The following GPRIN2 variants were observed in gnomAD, a reference collection of about 807,000 sequenced individuals.
GPRIN2 encodes G protein-regulated inducer of neurite outgrowth 2.
A neutral mutation model predicts 0.3 loss-of-function variants in GPRIN2; 1 was observed. The ratio of observed to expected loss-of-function variants is 3.90; its 90% CI spans 1.39 to 18.51. The LOEUF (loss-of-function observed/expected upper bound fraction) is 18.51, where lower values mean the gene tolerates loss of function less well. Among genes scored for constraint, GPRIN2 ranks in the 30% most tolerant of loss-of-function variants. GPRIN2 has a pLI of 0.11. For synonymous variants in GPRIN2, 361 were observed against 258.6 expected (o/e 1.40, Z -3.80); for missense variants, 880 against 604.2 (o/e 1.46, Z -4.79).
rs533224635 is a variant in GPRIN2 at position 46,544,360 on chromosome 10, G to T, written c.*5000C>A. Among the ~76,000 whole-genome samples, 1 of 152,310 alleles carries T rather than the reference G, an allele frequency of 6.6e-6. No homozygotes were observed. The highest frequency in any genetic ancestry group is 1.5e-5 in the Non-Finnish European group (1 of 68,056). On this transcript the variant is annotated 3_prime_UTR_variant, in exon 3 of 3. Coordinates refer to ENST00000374314, the MANE Select transcript of GPRIN2 (RefSeq NM_001385282.1). ...TTTTTTTGAAACAGGGTCTGGCTCC[G>T]TCATCCAGGCTGGAGCACAGTGGCA...
rs1368237154 is a variant in GPRIN2 at position 46,547,589 on chromosome 10, G to T, written c.*1771C>A. On this transcript the variant is annotated 3_prime_UTR_variant, in exon 3 of 3. Transcript: ENST00000374314. The stretch of plus-strand genomic sequence containing the variant: ...ACCTGTCTAACCCCTGCATCCTCAA[G>T]ACCCTACTTAGCTATGGCCCTGTGT... Among the ~76,000 whole-genome samples the T allele has an allele frequency of 3.3e-5, 5 of 152,422 alleles. No individual in the cohort carries two copies. The highest frequency in any genetic ancestry group is 5.9e-5 in the Non-Finnish European group (4 of 68,048).
rs899807069 is a variant in GPRIN2, at chr10:46,556,593, A to T, written c.-213T>A. On this transcript the variant is annotated 5_prime_UTR_variant, in exon 1 of 3. Transcript: ENST00000374314. ...GCGGCCCAAGATGGAGCCAGAGCCG[A>T]CCTGGCCTGGGCGCGAGACGCCGCC... Among the ~76,000 whole-genome samples, 28 of 152,136 alleles carry T rather than the reference A, an allele frequency of 1.8e-4. No homozygotes were observed. Among genetic ancestry groups the T allele is most frequent in the Admixed American group, 1.6e-3 (25 of 15,264 alleles).
In GPRIN2 at chr10:46,542,648, A is replaced by G. The variant is rs1833058618; in HGVS notation, c.*6712T>C. Among the ~76,000 whole-genome samples the G allele has an allele frequency of 6.6e-6, 1 of 152,422 alleles. No homozygotes were observed. Among genetic ancestry groups the G allele is most frequent in the Non-Finnish European group, 1.5e-5 (1 of 68,046 alleles). ...AACCTCTTTCCTTTATAAATTACCC[A>G]GTCTCAGGCAGTTCTTTATAGCAGC... is the stretch of plus-strand genomic sequence containing the variant. On this transcript the variant is annotated 3_prime_UTR_variant, in exon 3 of 3. Transcript: ENST00000374314.
In GPRIN2 at chr10:46,549,345, A is replaced by C. The variant is rs1832748392; in HGVS notation, c.*15T>G. 5.6e-5 allele frequency: 82 copies of C among 1,463,472 alleles called. No homozygotes were observed. The highest frequency in any genetic ancestry group is 4.2e-4 in the Admixed American group (15 of 35,556). The allele number at this position is 1,463,472 out of a possible 1,614,324, so 90.7% of individuals were successfully genotyped here. On this transcript the variant is annotated 3_prime_UTR_variant, in exon 3 of 3. Coordinates refer to ENST00000374314, the MANE Select transcript of GPRIN2 (RefSeq NM_001385282.1). Reference sequence around the variant, plus strand: ...AAGTCAGTGGGCCCAGGCCAGCTCCAAGGGCCACAGCTCCTCACTCGGGGG... The same window carrying C: ...AAGTCAGTGGGCCCAGGCCAGCTCCCAGGGCCACAGCTCCTCACTCGGGGG...
rs1832805602 is a variant in GPRIN2, at chr10:46,548,376, C to T, written c.*984G>A. Among the ~76,000 whole-genome samples the T allele has an allele frequency of 2.0e-5, 3 of 152,420 alleles. No individual in the cohort carries two copies. Among genetic ancestry groups the T allele is most frequent in the South Asian group, 4.1e-4 (2 of 4,834 alleles). Reference sequence around the variant, plus strand: ...CAGGGCAAACTCCTGCCCTGTCCCCCTCCATTCCTGCCCTCCCTCCTTCCA... The same window carrying T: ...CAGGGCAAACTCCTGCCCTGTCCCCTTCCATTCCTGCCCTCCCTCCTTCCA... On this transcript the variant is annotated 3_prime_UTR_variant, in exon 3 of 3. Coordinates refer to ENST00000374314, the MANE Select transcript of GPRIN2 (RefSeq NM_001385282.1).
At position 46,546,704 on chromosome 10, in the gene GPRIN2, G is replaced by A. The variant is rs1832886820; in HGVS notation, c.*2656C>T. On this transcript the variant is annotated 3_prime_UTR_variant, in exon 3 of 3. Coordinates refer to ENST00000374314, the MANE Select transcript of GPRIN2 (RefSeq NM_001385282.1). ...TTCCAGGAGAGGGCACAGCAAAGGGGGTTGGGAGGGGTCTCCAGTTCCAAT... is the reference window on the plus strand; with the variant it reads ...TTCCAGGAGAGGGCACAGCAAAGGGAGTTGGGAGGGGTCTCCAGTTCCAAT... Among the ~76,000 whole-genome samples the A allele has an allele frequency of 6.6e-6, 1 of 152,308 alleles. No individual in the cohort carries two copies. The highest frequency in any genetic ancestry group is 2.4e-5 in the African/African-American group (1 of 41,486).
chr10:46,549,227 G>T lies in GPRIN2; in HGVS notation c.*133C>A. 8.1e-7 allele frequency: 1 copy of T among 1,232,684 alleles called. No homozygotes were observed. The highest frequency in any genetic ancestry group is 1.1e-6 in the Non-Finnish European group (1 of 921,806). The allele number at this position is 1,232,684 out of a possible 1,614,324, so 76.4% of individuals were successfully genotyped here. A position where few individuals can be genotyped will look rare whatever the true frequency, so the allele number is the denominator to read the frequency against. Reference sequence around the variant, plus strand: ...CCCCAGGCTGCAGTCCTGTGGTCTGGAGGCAGCCAATATTCAGGTGAGAGA... The same window carrying T: ...CCCCAGGCTGCAGTCCTGTGGTCTGTAGGCAGCCAATATTCAGGTGAGAGA... On this transcript the variant is annotated 3_prime_UTR_variant, in exon 3 of 3. Coordinates refer to ENST00000374314, the MANE Select transcript of GPRIN2 (RefSeq NM_001385282.1).
rs1290428465 is a variant in GPRIN2 at position 46,542,104 on chromosome 10, G to C, written c.*7256C>G. 6.6e-6 allele frequency among the ~76,000 whole-genome samples: 1 copy of C among 152,308 alleles called. No individual in the cohort carries two copies. The highest frequency in any genetic ancestry group is 1.5e-5 in the Non-Finnish European group (1 of 68,058). ...AGCTTGTGTACAAAATGACACCCTT[G>C]GCCACCATCTCCCAGTCTGTTGACT... On this transcript the variant is annotated 3_prime_UTR_variant, in exon 3 of 3. Coordinates refer to ENST00000374314, the MANE Select transcript of GPRIN2 (RefSeq NM_001385282.1).
chr10:46,552,691 C>A (rs1355437635), intron 2 of GPRIN2, among the ~76,000 whole-genome samples: 1 of 152,308 alleles, frequency 6.6e-6, no homozygotes, highest in Non-Finnish European at 1.5e-5. Context: ...GTACCAAGCA[C>A]TCAGCAGGGG....
Position 46,549,881 on chromosome 10 carries a change from G to T in GPRIN2, c.856C>A (p.Leu286Ile), listed in dbSNP as rs564464375. 6.2e-7 allele frequency: 1 copy of T among 1,614,142 alleles called. No homozygotes were observed. Among genetic ancestry groups the T allele is most frequent in the Admixed American group, 1.7e-5 (1 of 60,016 alleles). ...GCACAGCAATGGGAATGCCCAGGGA[G>T]CCCCCCAGACAACCTACAGTGGATC... ...VKIHCRLSGG[L>I]PGHSHCCAHL... The change falls in exon 3 of 3, where the codon CTC (leucine) becomes ATC (isoleucine). Residue 286 changes from leucine to isoleucine, a missense_variant. Leu to Ile is a conservative substitution (Grantham distance 5). Transcript: ENST00000374314.
intron 2 of GPRIN2, chr10:46,551,524 GC>G: frequency 1.0e-6 from 1 of 984,570 alleles, no homozygotes; most frequent in Non-Finnish European, 1.2e-6. Context: ...CCTACTGCGT[GC>G]CCAGCTGTAG....
intron 2 of GPRIN2, chr10:46,551,361 C>T (rs1380986902): frequency 1.0e-6 from 1 of 981,882 alleles, no homozygotes; most frequent in Non-Finnish European, 1.2e-6. Flanking sequence ...CACCCCCATC[C>T]TCCTTGGCCT....
In GPRIN2 at chr10:46,549,335, G is replaced by C. The variant is rs1832750293; in HGVS notation, c.*25C>G. On this transcript the variant is annotated 3_prime_UTR_variant, in exon 3 of 3. Coordinates refer to ENST00000374314, the MANE Select transcript of GPRIN2 (RefSeq NM_001385282.1). ...GTCTAGGACTAAGTCAGTGGGCCCAGGCCAGCTCCAAGGGCCACAGCTCCT... is the reference window on the plus strand; with the variant it reads ...GTCTAGGACTAAGTCAGTGGGCCCACGCCAGCTCCAAGGGCCACAGCTCCT... 5 of 1,461,506 alleles carry C rather than the reference G, an allele frequency of 3.4e-6. No homozygotes were observed. The Admixed American group carries it at 1.4e-4, about 41-fold the overall frequency. The allele number at this position is 1,461,506 out of a possible 1,614,324, so 90.5% of individuals were successfully genotyped here.
rs1832615286 is a variant in GPRIN2, at chr10:46,549,719, C to A, written c.1018G>T (p.Ala340Ser). 6 of 1,613,960 alleles carry A rather than the reference C, an allele frequency of 3.7e-6. No homozygotes were observed. Among genetic ancestry groups the A allele is most frequent in the Middle Eastern group, 1.6e-4 (1 of 6,082 alleles). ...ACAGCCTTGCAGGCCGCCACTGGGG[C>A]CGCCTGCACACCAGCATCCTGGGCT... ...LSAQDAGVQAAPVAACKAVAT... is the reference protein window; with the variant it reads ...LSAQDAGVQASPVAACKAVAT... Residue 340 changes from alanine to serine, a missense_variant, in exon 3 of 3, where the codon GCC becomes TCC. Ala to Ser is a moderately conservative substitution (Grantham distance 99). Coordinates refer to ENST00000374314, the MANE Select transcript of GPRIN2 (RefSeq NM_001385282.1).
At chr10:46,557,104 C>G (rs960465525), upstream of GPRIN2, among the ~76,000 whole-genome samples, 3 of 151,996 alleles carry the variant, frequency 2.0e-5, no homozygotes, top group Non-Finnish European at 2.9e-5. Flanking sequence ...CCTTTCCTCT[C>G]GCCTTCTCCA....
In GPRIN2 at chr10:46,549,095, C is replaced by T. The variant is rs1832769615; in HGVS notation, c.*265G>A. The T allele has an allele frequency of 1.9e-3, 853 of 447,302 alleles. No homozygotes were observed. The highest frequency in any genetic ancestry group is 0.015 in the African/African-American group (710 of 48,548). 27.7% of individuals were successfully genotyped at this position (447,302 alleles called of 1,614,324 possible). On this transcript the variant is annotated 3_prime_UTR_variant, in exon 3 of 3. Coordinates refer to ENST00000374314, the MANE Select transcript of GPRIN2 (RefSeq NM_001385282.1). Reference sequence around the variant, plus strand: ...CAGAAAACTCAGGATCTCCCCTCTGCACAGTGCTAAAGCCCTGTCTCAAAG... The same window carrying T: ...CAGAAAACTCAGGATCTCCCCTCTGTACAGTGCTAAAGCCCTGTCTCAAAG...
At chr10:46,557,376 G>A (rs1422651103), upstream of GPRIN2, among the ~76,000 whole-genome samples, 1 of 152,376 alleles carries the variant, frequency 6.6e-6, no homozygotes, top group Admixed American at 6.5e-5. Context: ...CAAGAGCCCA[G>A]CCTGGTAGAC....
chr10:46,554,741 A>C (rs1424591219), intron 1 of GPRIN2, 46 bp from the exon 2 acceptor site: 1 of 153,950 alleles, frequency 6.5e-6, no homozygotes, highest in African/African-American at 2.4e-5. Flanking sequence ...TGTCATTTTG[A>C]GTAAAAGCCC....
intron 2 of GPRIN2, chr10:46,551,612 C>G (rs1378222569): frequency 3.7e-6 from 2 of 537,120 alleles, no homozygotes; most frequent in Non-Finnish European, 4.7e-6. Flanking sequence ...GATGCCCACC[C>G]AGTACCATCA....
Sources: gnomAD v4.1 joint callset for allele counts (sites outside exome capture counted in the v4.1 genomes callset) on GRCh38, gnomAD v4.1.1 for gene constraint, MANE v1.5 for transcripts, NCBI Gene and HGNC (gene_info 2026-07-23, HGNC 2026-07-21) for gene names.